YJU2B: variants seen among roughly 807,000 people sequenced by gnomAD.
YJU2B encodes YJU2 splicing factor homolog B.
YJU2B carries 18 observed loss-of-function variants against 38.0 expected under a neutral mutation model. The ratio of observed to expected loss-of-function variants is 0.47; its 90% CI spans 0.33 to 0.70. The LOEUF is 0.70. YJU2B is among the 30% of genes least tolerant of loss of function. The pLI is 0.02. For synonymous variants in YJU2B, 246 were observed against 225.4 expected (o/e 1.09, Z -0.82); for missense variants, 538 against 556.3 (o/e 0.97, Z 0.33).
At chr19:13,762,474 G>A in intron 9 of YJU2B, 37 bp downstream of exon 9, 3 of 1,602,086 alleles carry the variant, frequency 1.9e-6, no homozygotes, top group Non-Finnish European at 2.6e-6. Flanking sequence ...GGACAGGGAG[G>A]CTCAGAGTTG....
chr19:13,748,643 C>G lies in YJU2B; in HGVS notation c.-202+689C>G, dbSNP rs562464472. Reference sequence around the variant, plus strand: ...GGCTCTTCCCGTGGGTTAGTTGATTCACAGCATCCCCAGAAAGTCAGTCTT... The same window carrying G: ...GGCTCTTCCCGTGGGTTAGTTGATTGACAGCATCCCCAGAAAGTCAGTCTT... On this transcript the variant is annotated intron_variant, in intron 1 of 9. Transcript: ENST00000221554. Among the ~76,000 whole-genome samples, 28 of 152,254 alleles carry G rather than the reference C, an allele frequency of 1.8e-4. 1 individual carries two copies. The South Asian group carries it at 5.6e-3, about 30-fold the overall frequency.
chr19:13,747,289 G>A (rs191252709), upstream of YJU2B, among the ~76,000 whole-genome samples: 148 of 152,210 alleles, frequency 9.7e-4, no homozygotes, highest in Non-Finnish European at 1.6e-3. Flanking sequence ...ATTTACGTAC[G>A]CTGAAATTTG....
At position 13,755,697 on chromosome 19, in the gene YJU2B, C is replaced by T. The variant is rs531163034; in HGVS notation, c.58-500C>T. On this transcript the variant is annotated intron_variant, in intron 3 of 9. Coordinates refer to ENST00000221554, the MANE Select transcript of YJU2B (RefSeq NM_030818.4). ...AGGGCTGGGCGCAGTAGCTCACACC[C>T]GGAATCCCAGCACTTTGGGAGGCCG... is the stretch of plus-strand genomic sequence containing the variant. Among the ~76,000 whole-genome samples the T allele has an allele frequency of 5.9e-5, 9 of 151,326 alleles. No homozygotes were observed. The South Asian group carries it at 6.3e-4, about 11-fold the overall frequency.
At chr19:13,747,527 G>A (rs1319759259), upstream of YJU2B, among the ~76,000 whole-genome samples, 1 of 152,232 alleles carries the variant, frequency 6.6e-6, no homozygotes, top group Non-Finnish European at 1.5e-5. Flanking sequence ...CTGGAGTGCA[G>A]TGGCGCGATC....
chr19:13,754,348 C>CT lies in YJU2B; in HGVS notation c.57+6_57+7insT. 6.2e-7 allele frequency: 1 copy of CT among 1,611,680 alleles called. No homozygotes were observed. The highest frequency in any genetic ancestry group is 8.5e-7 in the Non-Finnish European group (1 of 1,177,808). On this transcript the variant is annotated splice_region_variant and intron_variant, in intron 3 of 9. Transcript: ENST00000221554. The stretch of plus-strand genomic sequence containing the variant: ...CAGACTTCAACCCTGAGAAGGTAAG[C>CT]AGGCTCTCCGCTCCAGGTCCACAGT...
chr19:13,744,634 C>G (rs2145103452), upstream of YJU2B, among the ~76,000 whole-genome samples: 2 of 152,294 alleles, frequency 1.3e-5, 1 homozygote, highest in Admixed American at 1.3e-4. Flanking sequence ...GATCCCTGCT[C>G]TGTCTCAGGG....
intron 8 of YJU2B, among the ~76,000 whole-genome samples, chr19:13,760,845 A>G (rs1003189456): frequency 1.1e-4 from 17 of 151,914 alleles, no homozygotes; most frequent in Non-Finnish European, 2.4e-4. Flanking sequence ...ATCCCGGCTC[A>G]CTGAAGCCTC....
chr19:13,751,460 A>G, intron 1 of YJU2B, 148 bp from the exon 2 acceptor site: 1 of 277,602 alleles, frequency 3.6e-6, no homozygotes, highest in Non-Finnish European at 6.8e-6. Context: ...AGCAAGTGTC[A>G]AGGGCAGAGT....
chr19:13,755,900 G>A (rs1207442542), intron 3 of YJU2B, among the ~76,000 whole-genome samples: 1 of 152,180 alleles, frequency 6.6e-6, no homozygotes, highest in Non-Finnish European at 1.5e-5. Flanking sequence ...AGAGGTTGCA[G>A]TGAGCCAAGG....
chr19:13,759,257 G>A lies in YJU2B; in HGVS notation c.558G>A (p.Leu186=), dbSNP rs1973791228. 1 of 1,608,176 alleles carries A rather than the reference G, an allele frequency of 6.2e-7. No homozygotes were observed. Among genetic ancestry groups the A allele is most frequent in the East Asian group, 2.2e-5 (1 of 44,704 alleles). The change falls in exon 8 of 10, where the codon CTG becomes CTA. Residue 186 remains leucine, a synonymous_variant. Coordinates refer to ENST00000221554, the MANE Select transcript of YJU2B (RefSeq NM_030818.4). ...WKDDFALNSM[L]RRRFREKKKA... ...ACGACTTCGCCCTCAACAGCATGCT[G>A]CGGAGAAGGTTCCGGGTGAGGGGGG...
upstream of YJU2B, among the ~76,000 whole-genome samples, chr19:13,745,731 A>AGATATC (rs1479223221): frequency 6.4e-3 from 355 of 55,286 alleles, 2 homozygotes; most frequent in African/African-American, 0.011. Flanking sequence ...AGATATCTAT[A>AGATATC]TATATATATA....
chr19:13,762,811 G>A lies in YJU2B; in HGVS notation c.934G>A (p.Asp312Asn), dbSNP rs1243424862. The change falls in exon 10 of 10, where the codon GAC (aspartate) becomes AAC (asparagine). Residue 312 changes from aspartate to asparagine, a missense_variant. By Grantham distance (23) the Asp-to-Asn change is conservative. This residue lies in a region of YJU2B where 488 missense variants were observed against 469.5 expected (regional missense o/e 1.04). Coordinates refer to ENST00000221554, the MANE Select transcript of YJU2B (RefSeq NM_030818.4). ...DVPESPQHAA[D>N]TPKSGEPRVP... is the part of the protein sequence containing the mutation. The stretch of plus-strand genomic sequence containing the variant: ...CCCGGAGAGCCCCCAGCATGCGGCC[G>A]ACACCCCCAAGTCTGGGGAACCGCG... The A allele has an allele frequency of 3.7e-6, 6 of 1,602,978 alleles. No homozygotes were observed. Among genetic ancestry groups the A allele is most frequent in the South Asian group, 1.1e-5 (1 of 89,916 alleles).
At chr19:13,745,935 T>G (rs1973236968), upstream of YJU2B, among the ~76,000 whole-genome samples, 1 of 151,750 alleles carries the variant, frequency 6.6e-6, no homozygotes, top group South Asian at 2.1e-4. Flanking sequence ...ACAAATAGAT[T>G]CTGTTAGGCC....
intron 2 of YJU2B, among the ~76,000 whole-genome samples, chr19:13,733,290 C>G (rs372104268): frequency 6.6e-6 from 1 of 152,146 alleles, no homozygotes. Flanking sequence ...CCACCAACTT[C>G]CTGTTCAAAC....
intron 4 of YJU2B, among the ~76,000 whole-genome samples, chr19:13,756,736 A>G (rs995262776): frequency 6.6e-6 from 1 of 152,156 alleles, no homozygotes; most frequent in African/African-American, 2.4e-5. Context: ...GCACTTTGGG[A>G]GGGTGAGGCA....
chr19:13,740,926 C>T (rs1237783170), intron 2 of YJU2B, among the ~76,000 whole-genome samples: 1 of 152,190 alleles, frequency 6.6e-6, no homozygotes, highest in Non-Finnish European at 1.5e-5. Flanking sequence ...ACATCCAACC[C>T]TCAATTGCAG....
chr19:13,748,792 A>G (rs539270244), intron 1 of YJU2B, among the ~76,000 whole-genome samples: 1 of 152,318 alleles, frequency 6.6e-6, no homozygotes, highest in Non-Finnish European at 1.5e-5. Context: ...CGTGTCCCCT[A>G]ACGCCTCAAG....
chr19:13,735,819 A>C (rs571045145), intron 2 of YJU2B, among the ~76,000 whole-genome samples: 2 of 151,994 alleles, frequency 1.3e-5, no homozygotes, highest in African/African-American at 4.8e-5. Context: ...TTGGGAAGCC[A>C]AGGCGGGCGG....
At position 13,756,218 on chromosome 19, in the gene YJU2B, C is replaced by G; in HGVS notation, c.79C>G (p.His27Asp). Residue 27 changes from histidine (H) to aspartate (D), a missense_variant, in exon 4 of 10, where the codon CAC becomes GAC. Transcript: ENST00000221554. ...ACAGCATGGCTCTCTCAACCGATAC[C>G]ACAACAGCCACCCGCTTCGGGAGCG... The part of the protein sequence containing the change: ...PEKHGSLNRY[H>D]NSHPLRERAR... 1 of 1,614,092 alleles carries G rather than the reference C, an allele frequency of 6.2e-7. No homozygotes were observed. The highest frequency in any genetic ancestry group is 8.5e-7 in the Non-Finnish European group (1 of 1,180,002).
Sources: allele counts gnomAD v4.1 joint callset (sites outside exome capture counted in the v4.1 genomes callset), GRCh38; gene constraint gnomAD v4.1.1; regional missense constraint gnomAD v4.1.1; transcripts MANE v1.5; gene names NCBI Gene and HGNC (gene_info 2026-07-23, HGNC 2026-07-21).